The following MIB2 variants were observed in gnomAD, a reference collection of about 807,000 sequenced individuals.
MIB2 encodes the protein MIB E3 ubiquitin protein ligase 2, also known as E3 ubiquitin-protein ligase MIB2.
A neutral mutation model predicts 96.6 loss-of-function variants in MIB2; 78 were observed. That is an observed-to-expected ratio of 0.81 (90% CI 0.67 to 0.97). The LOEUF is 0.97. Among genes scored for constraint, MIB2 ranks in the 50% least tolerant of loss-of-function variants. The pLI is 0.00. For synonymous variants in MIB2, 820 were observed against 629.5 expected (o/e 1.30, Z -4.53); for missense variants, 1,543 against 1,424.0 (o/e 1.08, Z -1.35).
rs544082241 is a variant in MIB2, at chr1:1,628,057, G to T, written c.1719G>T (p.Ser573=). 10 of 1,613,126 alleles carry T rather than the reference G, an allele frequency of 6.2e-6. No homozygotes were observed. In the South Asian group the frequency reaches 8.8e-5, roughly 14 times the overall value. Residue 573 remains serine, a synonymous_variant, in exon 14 of 20, where the codon TCG becomes TCT. Transcript: ENST00000355826. ...HSDTPLHSAI[S]AGTGASGIVE... Reference sequence around the variant, plus strand: ...ACACGCCCCTGCACTCCGCCATCTCGGCGGGCACTGGAGCCAGCGGCATTG... The same window carrying T: ...ACACGCCCCTGCACTCCGCCATCTCTGCGGGCACTGGAGCCAGCGGCATTG...
At chr1:1,621,536 G>A (rs74047807) in intron 2 of MIB2, among the ~76,000 whole-genome samples, 1,590 of 149,136 alleles carry the variant, frequency 0.011, 23 homozygotes, top group African/African-American at 0.038. Context: ...GGGAGGCAGC[G>A]TCACCCGACA....
chr1:1,621,802 G>T (rs1028784547), intron 2 of MIB2, among the ~76,000 whole-genome samples: 2 of 151,750 alleles, frequency 1.3e-5, no homozygotes, highest in South Asian at 4.1e-4. Flanking sequence ...GCACGGATCG[G>T]GGGCACGGAT....
chr1:1,626,454 G>C lies in MIB2; in HGVS notation c.973-196G>C. 1 of 576,418 alleles carries C rather than the reference G, an allele frequency of 1.7e-6. No homozygotes were observed. 35.7% of individuals were successfully genotyped at this position (576,418 alleles called of 1,614,324 possible). The stretch of plus-strand genomic sequence containing the variant: ...ACTCCTCCCATGGCTCTGGGGCTAG[G>C]GACACCCAGGGCTGCCTTGGACACC... On this transcript the variant is annotated intron_variant, in intron 8 of 19. Transcript: ENST00000355826. This position sits in a 1 kb window ranked among gnomAD's most constrained non-coding sequence, Gnocchi z 5.3.
In MIB2 at chr1:1,615,521, C is replaced by G; in HGVS notation, c.-242C>G. 6.5e-7 allele frequency: 1 copy of G among 1,531,286 alleles called. No individual in the cohort carries two copies. The highest frequency in any genetic ancestry group is 8.7e-7 in the Non-Finnish European group (1 of 1,145,120). 94.9% of individuals were successfully genotyped at this position (1,531,286 alleles called of 1,614,324 possible). ...TCCCGCCCTTCGGGTCCCACAGTTT[C>G]CAGCCGCCGCTCTCCTCAGTGCCCG... On this transcript the variant is annotated 5_prime_UTR_variant, in exon 1 of 20. Coordinates refer to ENST00000355826, the MANE Select transcript of MIB2 (RefSeq NM_001170687.4).
At chr1:1,615,821 G>C in intron 1 of MIB2, 188 bp downstream of exon 1, 1 of 1,297,004 alleles carries the variant, frequency 7.7e-7, no homozygotes, top group South Asian at 2.1e-5. Context: ...GGGGCCTCCT[G>C]GGAGTTGTGG....
intron 18 of MIB2, 31 bp from the exon 19 acceptor site, chr1:1,629,608 G>C (rs749956303): frequency 6.4e-7 from 1 of 1,570,868 alleles, no homozygotes; most frequent in African/African-American, 1.4e-5. Flanking sequence ...GGCTAGTAGG[G>C]CCGCAGCCAA....
chr1:1,621,482 C>A (rs777127984), intron 2 of MIB2, among the ~76,000 whole-genome samples: 2 of 152,238 alleles, frequency 1.3e-5, no homozygotes, highest in Non-Finnish European at 2.9e-5. Context: ...CCTGCCCTGG[C>A]CCAGGCCTTG....
At position 1,625,491 on chromosome 1, in the gene MIB2, C is replaced by T. The variant is rs1337104232; in HGVS notation, c.865-55C>T. 1 of 1,551,226 alleles carries T rather than the reference C, an allele frequency of 6.4e-7. No homozygotes were observed. The highest frequency in any genetic ancestry group is 2.4e-5 in the East Asian group (1 of 41,322). On this transcript the variant is annotated intron_variant, in intron 7 of 19. Coordinates refer to ENST00000355826, the MANE Select transcript of MIB2 (RefSeq NM_001170687.4). This position sits in a 1 kb window ranked among gnomAD's most constrained non-coding sequence, Gnocchi z 5.0. The stretch of plus-strand genomic sequence containing the variant: ...CTCCCAGCCCTCCGCCCCCTCAGCC[C>T]CTTCCTCCCCAAGCGTCCAGCCCGA...
intron 16 of MIB2, 110 bp downstream of exon 16, chr1:1,628,832 G>A (rs1298264327): frequency 2.9e-6 from 3 of 1,027,182 alleles, no homozygotes; most frequent in Non-Finnish European, 4.1e-6. Flanking sequence ...GGCCCAGGGA[G>A]CCAGGCGTTC....
Position 1,625,461 on chromosome 1 carries a change from C to G in MIB2, c.864+33C>G, listed in dbSNP as rs1184259971. The G allele has an allele frequency of 1.9e-6, 3 of 1,560,884 alleles. No homozygotes were observed. The highest frequency in any genetic ancestry group is 2.6e-6 in the Non-Finnish European group (3 of 1,152,524). On this transcript the variant is annotated intron_variant, in intron 7 of 19. Coordinates refer to ENST00000355826, the MANE Select transcript of MIB2 (RefSeq NM_001170687.4). The surrounding 1 kb of genome is among the most constrained non-coding windows in gnomAD (Gnocchi z 5.0). Reference sequence around the variant, plus strand: ...GCCCCGCCGTGGAGCCCTGTGTGCCCTGCCCTCCCAGCCCTCCGCCCCCTC... The same window carrying G: ...GCCCCGCCGTGGAGCCCTGTGTGCCGTGCCCTCCCAGCCCTCCGCCCCCTC...
chr1:1,629,151 C>T lies in MIB2; in HGVS notation c.2221C>T (p.Pro741Ser). The T allele has an allele frequency of 6.7e-7, 1 of 1,497,934 alleles. No homozygotes were observed. The highest frequency in any genetic ancestry group is 1.2e-5 in the South Asian group (1 of 80,006). 92.8% of individuals were successfully genotyped at this position (1,497,934 alleles called of 1,614,324 possible). The change falls in exon 17 of 20, where the codon CCC becomes TCC. Residue 741 changes from proline (P) to serine (S), a missense_variant. By Grantham distance (74) the Pro-to-Ser change is moderately conservative (BLOSUM62 -1). Coordinates refer to ENST00000355826, the MANE Select transcript of MIB2 (RefSeq NM_001170687.4). ...LLSRLQASGL[P>S]GSAELTVGAA... ...CGCCCAGCTACAGGCCTCGGGCCTC[C>T]CCGGCAGCGCGGAGCTGACGGTGGG...
intron 12 of MIB2, 113 bp downstream of exon 12, chr1:1,627,557 G>GC (rs1644918029): frequency 6.8e-7 from 1 of 1,473,270 alleles, no homozygotes; most frequent in African/African-American, 1.4e-5. Flanking sequence ...GTGAGGCCTG[G>GC]GAGGGGCCCG....
chr1:1,630,122 C>T (rs1266677531), intron 19 of MIB2, among the ~76,000 whole-genome samples, 170 bp from the exon 20 acceptor site: 2 of 150,474 alleles, frequency 1.3e-5, no homozygotes, highest in East Asian at 4.0e-4. Context: ...ACCTCCTGCC[C>T]GCACCCGGGC....
intron 1 of MIB2, chr1:1,616,123 T>C: frequency 1.0e-6 from 1 of 982,076 alleles, no homozygotes; most frequent in Non-Finnish European, 1.2e-6. Flanking sequence ...CCTGGCAAGG[T>C]CTGGCAGCGG....
intron 2 of MIB2, 197 bp from the exon 3 acceptor site, chr1:1,623,233 CT>C: frequency 1.1e-6 from 1 of 936,650 alleles, no homozygotes; most frequent in Non-Finnish European, 1.5e-6. Flanking sequence ...CGGCGCCCGC[CT>C]TTCCCACCGG....
rs1275239232 is a variant in MIB2, at chr1:1,624,867, G to A, written c.492G>A (p.Val164=). Residue 164 remains valine (V), a synonymous_variant, in exon 5 of 20, where the codon GTG becomes GTA. Coordinates refer to ENST00000355826, the MANE Select transcript of MIB2 (RefSeq NM_001170687.4). ...GCATCTTCCAGGGAGCGAAGGTGGT[G>A]CGAGGCCCCGACTGGGAGTGGGGCT... ...LRGIFQGAKV[V]RGPDWEWGSQ... is the part of the protein sequence containing the mutation. The A allele has an allele frequency of 6.2e-7, 1 of 1,613,106 alleles. No homozygotes were observed. Among genetic ancestry groups the A allele is most frequent in the Non-Finnish European group, 8.5e-7 (1 of 1,179,992 alleles).
intron 1 of MIB2, 144 bp from the exon 2 acceptor site, chr1:1,616,364 C>T: frequency 1.6e-6 from 1 of 626,820 alleles, no homozygotes; most frequent in South Asian, 2.4e-5. Context: ...CCAGGGAGCC[C>T]ATCCGGGCAG....
chr1:1,629,728 A>G lies in MIB2; in HGVS notation c.2629+24A>G, dbSNP rs547384503. The G allele has an allele frequency of 4.5e-6, 7 of 1,564,718 alleles. No homozygotes were observed. In the Admixed American group the frequency reaches 7.4e-5, roughly 17 times the overall value. On this transcript the variant is annotated intron_variant, in intron 19 of 19. Coordinates refer to ENST00000355826, the MANE Select transcript of MIB2 (RefSeq NM_001170687.4). ...AGGTGGGTGAGGCTCTGCGCCCCCA[A>G]CACGCCTCCTGCTCAGCTGGTGGCC...
At chr1:1,629,334 T>TG (rs1299357489) in intron 17 of MIB2, 23 bp downstream of exon 17, 1 of 1,452,980 alleles carries the variant, frequency 6.9e-7, no homozygotes, top group Non-Finnish European at 9.0e-7. Flanking sequence ...ACGGCGGGGA[T>TG]GGGGTCCGGC....
Sources: allele counts gnomAD v4.1 joint callset (sites outside exome capture counted in the v4.1 genomes callset), GRCh38; gene constraint gnomAD v4.1.1; non-coding constraint Gnocchi (gnomAD v3.1); transcripts MANE v1.5; gene names NCBI Gene and HGNC (gene_info 2026-07-23, HGNC 2026-07-21).